The following ATL1 variants were observed in gnomAD, a reference collection of about 807,000 sequenced individuals.
ATL1 encodes atlastin-1.
In ATL1, 31 loss-of-function variants were observed where a neutral mutation model predicts 75.5. The observed-to-expected ratio is 0.41, with a 90% CI of 0.31 to 0.55. The LOEUF (loss-of-function observed/expected upper bound fraction) is 0.55, where lower values mean the gene tolerates loss of function less well. ATL1 is among the 20% of genes least tolerant of loss of function. The probability of loss-of-function intolerance (pLI) is 0.27; values close to 1 mark genes in which losing one functional copy is unlikely to be tolerated. For missense variants in ATL1, 405 were observed against 662.6 expected (o/e 0.61, Z 4.27); for synonymous variants, 226 against 233.3 (o/e 0.97, Z 0.28).
intron 1 of ATL1, among the ~76,000 whole-genome samples, chr14:50,568,244 G>T (rs1426457160): frequency 6.6e-6 from 1 of 151,970 alleles, no homozygotes; most frequent in African/African-American, 2.4e-5. Flanking sequence ...AGTATATGAT[G>T]TCCTAGCCAG....
At chr14:50,578,695 A>T (rs556105684) in intron 1 of ATL1, among the ~76,000 whole-genome samples, 1 of 152,282 alleles carries the variant, frequency 6.6e-6, no homozygotes, top group Non-Finnish European at 1.5e-5. Flanking sequence ...GAACTTCCTC[A>T]TTCTTTACAA....
intron 1 of ATL1, among the ~76,000 whole-genome samples, chr14:50,575,556 C>T (rs2038998151): frequency 6.6e-6 from 1 of 152,116 alleles, no homozygotes. Context: ...CTCAGTTTTT[C>T]ATTCACACAA....
Position 50,539,099 on chromosome 14 carries a change from A to G in ATL1, c.-140+5732A>G, listed in dbSNP as rs146114408. ...TTAGTCTCAGAAAAGAGACTCTCAA[A>G]ATGGCTTTCTAGGATGATATCACTC... is the stretch of plus-strand genomic sequence containing the variant. On this transcript the variant is annotated intron_variant, in intron 1 of 13. Transcript: ENST00000441560. 2.6e-3 allele frequency among the ~76,000 whole-genome samples: 403 copies of G among 152,308 alleles called. 1 individual carries two copies. The highest frequency in any genetic ancestry group is 9.1e-3 in the African/African-American group (380 of 41,562).
At chr14:50,539,735 T>G (rs2038537628) in intron 1 of ATL1, among the ~76,000 whole-genome samples, 1 of 152,220 alleles carries the variant, frequency 6.6e-6, no homozygotes, top group South Asian at 2.1e-4. Flanking sequence ...GAAGAAGTTG[T>G]AGGATCTTGC....
intron 6 of ATL1, among the ~76,000 whole-genome samples, chr14:50,609,608 G>A (rs1352842560): frequency 6.6e-6 from 1 of 151,974 alleles, no homozygotes; most frequent in Non-Finnish European, 1.5e-5. Flanking sequence ...AAACTCTATA[G>A]TCCTGAATTT....
intron 10 of ATL1, among the ~76,000 whole-genome samples, chr14:50,622,369 A>G (rs1358117393): frequency 6.6e-6 from 1 of 152,072 alleles, no homozygotes; most frequent in Non-Finnish European, 1.5e-5. Context: ...TATCTAAAAA[A>G]TAAGTCAATA....
chr14:50,544,217 C>T (rs1204386848), intron 1 of ATL1, among the ~76,000 whole-genome samples: 1 of 152,188 alleles, frequency 6.6e-6, no homozygotes, highest in Non-Finnish European at 1.5e-5. Context: ...TTGGGTGACC[C>T]CACCAGATGA....
chr14:50,565,844 T>A (rs1860726559), intron 1 of ATL1, among the ~76,000 whole-genome samples: 1 of 152,198 alleles, frequency 6.6e-6, no homozygotes, highest in Admixed American at 6.5e-5. Flanking sequence ...AAATTTCTTA[T>A]GAAACATATA....
intron 6 of ATL1, among the ~76,000 whole-genome samples, chr14:50,610,815 A>G (rs1050862324): frequency 3.9e-5 from 6 of 152,180 alleles, no homozygotes; most frequent in Non-Finnish European, 7.4e-5. Context: ...CTTACAGTCT[A>G]TAAATAATGC....
At chr14:50,567,205 G>T (rs907397612) in intron 1 of ATL1, among the ~76,000 whole-genome samples, 4 of 152,016 alleles carry the variant, frequency 2.6e-5, no homozygotes, top group Admixed American at 2.6e-4. Context: ...TGTACCTCAC[G>T]TTAGTGGAAT....
At chr14:50,536,209 C>G (rs991109853) in intron 1 of ATL1, among the ~76,000 whole-genome samples, 2 of 152,172 alleles carry the variant, frequency 1.3e-5, no homozygotes, top group African/African-American at 4.8e-5. Context: ...CTTTGGGAGG[C>G]CAAGGTGGGC....
chr14:50,545,554 G>A (rs1397625121), intron 1 of ATL1, among the ~76,000 whole-genome samples: 5 of 152,180 alleles, frequency 3.3e-5, no homozygotes, highest in African/African-American at 9.7e-5. Flanking sequence ...AGCATGTAGT[G>A]CAAGGACCTA....
intron 1 of ATL1, among the ~76,000 whole-genome samples, chr14:50,554,761 G>A (rs1421076780): frequency 6.6e-6 from 1 of 152,196 alleles, no homozygotes; most frequent in African/African-American, 2.4e-5. Context: ...CTATCCTGCT[G>A]CTGCCCAGAA....
intron 2 of ATL1, among the ~76,000 whole-genome samples, chr14:50,590,350 G>C (rs1286147215): frequency 6.6e-6 from 1 of 152,006 alleles, no homozygotes; most frequent in East Asian, 1.9e-4. Flanking sequence ...CTCCCTTAAG[G>C]ACCTTACAAG....
At chr14:50,609,991 C>A (rs1330624758) in intron 6 of ATL1, among the ~76,000 whole-genome samples, 1 of 151,748 alleles carries the variant, frequency 6.6e-6, no homozygotes, top group Admixed American at 6.6e-5. Context: ...CATTCTTTTT[C>A]TTACAGAGGT....
At chr14:50,552,910 A>G (rs897618640) in intron 1 of ATL1, among the ~76,000 whole-genome samples, 3 of 152,236 alleles carry the variant, frequency 2.0e-5, no homozygotes, top group African/African-American at 7.2e-5. Flanking sequence ...CAAAGATTCT[A>G]GAAGATAACA....
intron 5 of ATL1, among the ~76,000 whole-genome samples, chr14:50,594,998 C>CAAA (rs371065528): frequency 1.2e-5 from 1 of 86,296 alleles, no homozygotes; most frequent in Non-Finnish European, 2.7e-5. Flanking sequence ...GACCCTGTCT[C>CAAA]AAAAAAAAAA....
In ATL1 at chr14:50,601,563, C is replaced by A. The variant is rs551348068; in HGVS notation, c.630+5931C>A. 1.4e-3 allele frequency among the ~76,000 whole-genome samples: 218 copies of A among 152,282 alleles called. No homozygotes were observed. In the Middle Eastern group the frequency reaches 0.024, roughly 17 times the overall value. On this transcript the variant is annotated intron_variant, in intron 6 of 13. Transcript: ENST00000358385. The stretch of plus-strand genomic sequence containing the variant: ...GACGTCAACCAACTTGCAAAAATTC[C>A]TCAAAATTTAACAACTGTTTTTTGC...
intron 1 of ATL1, among the ~76,000 whole-genome samples, chr14:50,548,489 A>T (rs140332512): frequency 1.3e-5 from 2 of 152,262 alleles, no homozygotes; most frequent in South Asian, 2.1e-4. Context: ...TGGGAATGGT[A>T]ACTGTAGGGT....
Sources: gnomAD v4.1 joint callset for allele counts (sites outside exome capture counted in the v4.1 genomes callset) on GRCh38, gnomAD v4.1.1 for gene constraint, MANE v1.5 for transcripts, NCBI Gene and HGNC (gene_info 2026-07-23, HGNC 2026-07-21) for gene names.